CACNA1C: variants seen among roughly 807,000 people sequenced by gnomAD.
CACNA1C encodes calcium voltage-gated channel subunit alpha1 C.
A neutral mutation model predicts 229.0 loss-of-function variants in CACNA1C; 30 were observed. That is an observed-to-expected ratio of 0.13 (90% CI 0.10 to 0.18). The LOEUF is 0.18. Ranked by LOEUF, CACNA1C falls within the 10% of genes least tolerant of loss-of-function variation. The pLI is 1.00. For synonymous variants in CACNA1C, 1,114 were observed against 1,132.5 expected (o/e 0.98, Z 0.33); for missense variants, 1,658 against 2,845.0 (o/e 0.58, Z 9.49).
At chr12:2,388,433 GTTAT>G (rs1165317422) in intron 3 of CACNA1C, among the ~76,000 whole-genome samples, 1 of 152,198 alleles carries the variant, frequency 6.6e-6, no homozygotes, top group Non-Finnish European at 1.5e-5. Flanking sequence ...ATATGCAGTT[GTTAT>G]TTGTCAATTA....
chr12:2,304,586 G>T (rs1309474439), intron 3 of CACNA1C, among the ~76,000 whole-genome samples: 1 of 152,064 alleles, frequency 6.6e-6, no homozygotes, highest in African/African-American at 2.4e-5. Flanking sequence ...CCATGACCTG[G>T]CCCCAGGGCA....
rs1399234066 is a variant in CACNA1C, at chr12:2,067,937, G to T, written c.49+14326G>T. Among the ~76,000 whole-genome samples the T allele has an allele frequency of 6.6e-6, 1 of 152,146 alleles. No individual in the cohort carries two copies. Among genetic ancestry groups the T allele is most frequent in the Non-Finnish European group, 1.5e-5 (1 of 68,034 alleles). On this transcript the variant is annotated intron_variant, in intron 1 of 46. Coordinates refer to ENST00000399655, the MANE Select transcript of CACNA1C (RefSeq NM_000719.7). This position sits in a 1 kb window ranked among gnomAD's most constrained non-coding sequence, Gnocchi z 5.3. ...TGGAGAACCGGTTAGCCTTTGTGGA[G>T]TGTTAAGCCCTGCGATTTTATATCC...
chr12:2,667,537 A>AAAC (rs201629283), intron 37 of CACNA1C, among the ~76,000 whole-genome samples: 1 of 152,270 alleles, frequency 6.6e-6, no homozygotes, highest in Admixed American at 6.5e-5. Flanking sequence ...AAAAACAAAC[A>AAAC]AACAACAACA....
intron 1 of CACNA1C, among the ~76,000 whole-genome samples, chr12:2,064,301 G>GC (rs1263225298): frequency 6.6e-6 from 1 of 152,200 alleles, no homozygotes; most frequent in Non-Finnish European, 1.5e-5. Context: ...CTCTCCCTCT[G>GC]CCTGTGTGTC....
chr12:2,476,505 G>A (rs1053391478), intron 5 of CACNA1C, among the ~76,000 whole-genome samples: 7 of 152,208 alleles, frequency 4.6e-5, no homozygotes, highest in Non-Finnish European at 7.3e-5. Context: ...AGCAGGTGCC[G>A]AGTCCTCGGG....
intron 20 of CACNA1C, among the ~76,000 whole-genome samples, chr12:2,596,847 C>G (rs3829329): frequency 0.044 from 6,682 of 152,290 alleles, 228 homozygotes; most frequent in East Asian, 0.19. Flanking sequence ...TGCAAAAAGA[C>G]AAACCCCATT....
At chr12:2,511,230 A>C (rs1190877281) in intron 8 of CACNA1C, among the ~76,000 whole-genome samples, 1 of 152,182 alleles carries the variant, frequency 6.6e-6, no homozygotes, top group Non-Finnish European at 1.5e-5. Flanking sequence ...TCCCAATTAA[A>C]AAGTTCCCTA....
chr12:2,286,774 G>A (rs983270112), intron 3 of CACNA1C, among the ~76,000 whole-genome samples: 6 of 152,264 alleles, frequency 3.9e-5, no homozygotes, highest in Middle Eastern at 6.8e-3. Flanking sequence ...GGAAATGTGC[G>A]TTGGGAACTC....
intron 3 of CACNA1C, among the ~76,000 whole-genome samples, chr12:2,255,596 T>A (rs573468204): frequency 6.6e-6 from 1 of 152,208 alleles, no homozygotes; most frequent in Non-Finnish European, 1.5e-5. Context: ...CTTCCCAGTT[T>A]ACTAAGTGTG....
intron 3 of CACNA1C, among the ~76,000 whole-genome samples, chr12:2,335,278 C>T (rs913348391): frequency 1.3e-5 from 2 of 152,110 alleles, no homozygotes; most frequent in African/African-American, 2.4e-5. Flanking sequence ...TGGTCTCTTC[C>T]GCCATGCCTG....
intron 11 of CACNA1C, among the ~76,000 whole-genome samples, chr12:2,565,337 G>C (rs1386698738): frequency 1.4e-4 from 22 of 151,742 alleles, no homozygotes; most frequent in Admixed American, 1.2e-3. Context: ...CGCGGTGGCG[G>C]GCGCCTGTAG....
chr12:2,599,340 C>G (rs1730728932), intron 21 of CACNA1C, among the ~76,000 whole-genome samples: 1 of 152,154 alleles, frequency 6.6e-6, no homozygotes, highest in Admixed American at 6.5e-5. Context: ...GCACAGATGA[C>G]CGTGGCTGTC....
chr12:2,638,583 T>G (rs756692165), intron 30 of CACNA1C, among the ~76,000 whole-genome samples: 25 of 152,142 alleles, frequency 1.6e-4, no homozygotes, highest in Non-Finnish European at 3.1e-4. Context: ...TGGAAGATCA[T>G]TTAGAAGGCA....
At chr12:2,122,650 C>G (rs77285226) in intron 3 of CACNA1C, among the ~76,000 whole-genome samples, 4 of 152,204 alleles carry the variant, frequency 2.6e-5, no homozygotes, top group African/African-American at 4.8e-5. Context: ...TCTACACGAA[C>G]GTTTACTAGG....
intron 3 of CACNA1C, among the ~76,000 whole-genome samples, chr12:2,209,265 C>T (rs1245389633): frequency 2.0e-5 from 3 of 152,144 alleles, no homozygotes; most frequent in African/African-American, 7.2e-5. Context: ...TGTAAGCCTC[C>T]CCTCTGCAAA....
At chr12:2,022,036 G>T (rs1229037084) in intron 1 of CACNA1C, among the ~76,000 whole-genome samples, 2 of 152,126 alleles carry the variant, frequency 1.3e-5, no homozygotes, top group South Asian at 4.2e-4. Flanking sequence ...TGGATTCCCA[G>T]CCAGGGCCAC....
At position 2,597,757 on chromosome 12, in the gene CACNA1C, T is replaced by C. The variant is rs1299345457; in HGVS notation, c.2853+468T>C. On this transcript the variant is annotated intron_variant, in intron 21 of 46. Coordinates refer to ENST00000399655, the MANE Select transcript of CACNA1C (RefSeq NM_000719.7). This position sits in a 1 kb window ranked among gnomAD's most constrained non-coding sequence, Gnocchi z 4.3. ...GCCTGGAAGGGACACGTGTTGGCTGTGCCAACATTAAGGCTGCCATTTCAC... is the reference window on the plus strand; with the variant it reads ...GCCTGGAAGGGACACGTGTTGGCTGCGCCAACATTAAGGCTGCCATTTCAC... Among the ~76,000 whole-genome samples the C allele has an allele frequency of 1.3e-5, 2 of 152,296 alleles. No homozygotes were observed. Among genetic ancestry groups the C allele is most frequent in the East Asian group, 3.9e-4 (2 of 5,174 alleles).
At chr12:2,318,575 C>T (rs969436062) in intron 3 of CACNA1C, among the ~76,000 whole-genome samples, 6 of 152,330 alleles carry the variant, frequency 3.9e-5, no homozygotes, top group African/African-American at 7.2e-5. Context: ...CCTCAAGGGG[C>T]GCAGAGTCTA....
intron 3 of CACNA1C, among the ~76,000 whole-genome samples, chr12:2,383,780 G>A (rs1253763155): frequency 1.3e-5 from 2 of 152,322 alleles, no homozygotes; most frequent in South Asian, 4.1e-4. Flanking sequence ...AGAAGCCAGT[G>A]CAAGACAACG....
Sources: allele counts gnomAD v4.1 joint callset (sites outside exome capture counted in the v4.1 genomes callset), GRCh38; gene constraint gnomAD v4.1.1; non-coding constraint Gnocchi (gnomAD v3.1); transcripts MANE v1.5; gene names NCBI Gene and HGNC (gene_info 2026-07-23, HGNC 2026-07-21).